ZNF407: variants seen among roughly 807,000 people sequenced by gnomAD.
ZNF407 encodes the protein zinc finger protein 407.
Under a neutral mutation model 131.2 loss-of-function variants are expected in ZNF407, and 17 were observed. That is an observed-to-expected ratio of 0.13 (90% CI 0.09 to 0.19). ZNF407 has a LOEUF of 0.19. ZNF407 is among the 10% of genes least tolerant of loss of function. The probability of loss-of-function intolerance (pLI) is 1.00; values close to 1 mark genes in which losing one functional copy is unlikely to be tolerated. For synonymous variants in ZNF407, 1,156 were observed against 1,062.0 expected (o/e 1.09, Z -1.72); for missense variants, 2,681 against 2,830.6 (o/e 0.95, Z 1.20).
Position 74,609,300 on chromosome 18 carries a change from A to T in ZNF407, c.-54+11363A>T, listed in dbSNP as rs1982948570. ...TTGAGAAATGCCTCTAGGTGATTTC[A>T]TTGTTGTGTGAACATCACAGAGTAT... On this transcript the variant is annotated intron_variant, in intron 1 of 8. Coordinates refer to ENST00000299687, the MANE Select transcript of ZNF407 (RefSeq NM_017757.3). Among the ~76,000 whole-genome samples the T allele has an allele frequency of 2.0e-5, 3 of 152,168 alleles. No homozygotes were observed. The South Asian group carries it at 6.2e-4, about 31-fold the overall frequency.
intron 8 of ZNF407, among the ~76,000 whole-genome samples, chr18:74,982,943 G>A (rs1599277980): frequency 6.6e-6 from 1 of 152,178 alleles, no homozygotes; most frequent in South Asian, 2.1e-4. Flanking sequence ...CTTCCCAAGT[G>A]TAAAGTTGTC....
intron 8 of ZNF407, among the ~76,000 whole-genome samples, chr18:75,022,928 C>T (rs954517640): frequency 1.3e-5 from 2 of 152,132 alleles, no homozygotes; most frequent in African/African-American, 4.8e-5. Context: ...ACGGAGTTGA[C>T]CCAGATGCTC....
intron 3 of ZNF407, among the ~76,000 whole-genome samples, chr18:74,666,978 CTTTTCCCCAGGG>C (rs932962270): frequency 1.3e-5 from 2 of 152,186 alleles, no homozygotes; most frequent in Admixed American, 6.5e-5. Context: ...CCGCCTTCAT[CTTTTCCCCAGGG>C]TTCTGCTTTC....
At chr18:74,701,423 T>C (rs1199722996) in intron 3 of ZNF407, among the ~76,000 whole-genome samples, 1 of 152,198 alleles carries the variant, frequency 6.6e-6, no homozygotes, top group African/African-American at 2.4e-5. Flanking sequence ...TTATGTAATA[T>C]TTCCGACTAC....
At chr18:74,810,817 G>T (rs1002720198) in intron 4 of ZNF407, among the ~76,000 whole-genome samples, 1 of 152,064 alleles carries the variant, frequency 6.6e-6, no homozygotes, top group Non-Finnish European at 1.5e-5. Flanking sequence ...GCTGAAACTG[G>T]ATCCCTTCCT....
intron 8 of ZNF407, among the ~76,000 whole-genome samples, chr18:75,058,669 G>A (rs554811836): frequency 9.2e-5 from 14 of 152,280 alleles, no homozygotes; most frequent in African/African-American, 2.6e-4. Flanking sequence ...CCTGTACCAC[G>A]TGCCTGTTTC....
At chr18:74,795,305 G>A (rs773377404) in intron 4 of ZNF407, among the ~76,000 whole-genome samples, 5 of 152,130 alleles carry the variant, frequency 3.3e-5, no homozygotes, top group Non-Finnish European at 7.4e-5. Flanking sequence ...TTAGCCATTT[G>A]TGGCATATAT....
rs769576315 is a variant in ZNF407, at chr18:75,064,225, G to T, written c.6504G>T (p.Thr2168=). The change falls in exon 9 of 9, where the codon ACG becomes ACT. Residue 2168 remains threonine, a synonymous_variant. Coordinates refer to ENST00000299687, the MANE Select transcript of ZNF407 (RefSeq NM_017757.3). ...ESSGGFSEGT[T]HYILTELPPG... ...GTGGCGGCTTCTCCGAGGGCACCAC[G>T]CACTACATCCTGACAGAGCTGCCCC... is the stretch of plus-strand genomic sequence containing the variant. 6.2e-7 allele frequency: 1 copy of T among 1,606,624 alleles called. No homozygotes were observed. Among genetic ancestry groups the T allele is most frequent in the Non-Finnish European group, 8.5e-7 (1 of 1,178,198 alleles).
chr18:74,813,040 T>G (rs577635347), intron 4 of ZNF407, among the ~76,000 whole-genome samples: 2 of 152,312 alleles, frequency 1.3e-5, no homozygotes, highest in African/African-American at 4.8e-5. Flanking sequence ...TTTTTACTTA[T>G]TTTTACCCTG....
intron 3 of ZNF407, among the ~76,000 whole-genome samples, chr18:74,754,268 A>G (rs1968876687): frequency 6.6e-6 from 1 of 152,084 alleles, no homozygotes; most frequent in South Asian, 2.1e-4. Context: ...CTAGCGGTCT[A>G]TCAATTCTGT....
At chr18:75,007,358 C>G (rs1972923076) in intron 8 of ZNF407, among the ~76,000 whole-genome samples, 15 of 152,134 alleles carry the variant, frequency 9.9e-5, no homozygotes, top group Admixed American at 9.8e-4. Flanking sequence ...CATTTTAACA[C>G]ACATGTGACA....
At chr18:74,909,069 T>G (rs1170469739) in intron 7 of ZNF407, among the ~76,000 whole-genome samples, 1 of 151,714 alleles carries the variant, frequency 6.6e-6, no homozygotes, top group Admixed American at 6.6e-5. Flanking sequence ...TATAATATTG[T>G]ATAGAGTAAT....
chr18:74,728,531 G>T (rs1968213411), intron 3 of ZNF407, among the ~76,000 whole-genome samples: 1 of 152,176 alleles, frequency 6.6e-6, no homozygotes, highest in Admixed American at 6.5e-5. Flanking sequence ...TAAAGATTAT[G>T]ATGTGCCTGC....
intron 8 of ZNF407, among the ~76,000 whole-genome samples, chr18:74,964,101 G>A (rs1041909054): frequency 2.0e-5 from 3 of 152,182 alleles, no homozygotes; most frequent in Admixed American, 2.0e-4. Flanking sequence ...AGCCTACTTG[G>A]ACAGGCGTTA....
intron 8 of ZNF407, among the ~76,000 whole-genome samples, chr18:74,965,670 T>C (rs1336496023): frequency 6.6e-6 from 1 of 152,220 alleles, no homozygotes; most frequent in Non-Finnish European, 1.5e-5. Context: ...TTATTTTGTG[T>C]ATATACCCAG....
intron 3 of ZNF407, among the ~76,000 whole-genome samples, chr18:74,763,811 G>C (rs1969161751): frequency 6.9e-6 from 1 of 145,330 alleles, no homozygotes; most frequent in Admixed American, 7.1e-5. Flanking sequence ...CCGGGTTCAC[G>C]CCATTCTCCT....
chr18:75,040,716 A>C (rs1370649006), intron 8 of ZNF407, among the ~76,000 whole-genome samples: 1 of 152,224 alleles, frequency 6.6e-6, no homozygotes, highest in Non-Finnish European at 1.5e-5. Flanking sequence ...CTAAAAGATA[A>C]ACTATCTAAA....
At chr18:74,680,586 C>CCTCT (rs1966960732) in intron 3 of ZNF407, among the ~76,000 whole-genome samples, 11 of 152,036 alleles carry the variant, frequency 7.2e-5, no homozygotes, top group Non-Finnish European at 1.3e-4. Context: ...CAACTCCCGC[C>CCTCT]CCTCTGTTTT....
At chr18:74,974,634 G>A (rs533534222) in intron 8 of ZNF407, among the ~76,000 whole-genome samples, 1 of 152,320 alleles carries the variant, frequency 6.6e-6, no homozygotes, top group East Asian at 1.9e-4. Flanking sequence ...CAATGATGAA[G>A]TAGATTATTT....
Sources: gnomAD v4.1 joint callset for allele counts (sites outside exome capture counted in the v4.1 genomes callset) on GRCh38, gnomAD v4.1.1 for gene constraint, MANE v1.5 for transcripts, NCBI Gene and HGNC (gene_info 2026-07-23, HGNC 2026-07-21) for gene names.